The following BICRAL variants were observed in gnomAD, a reference collection of about 807,000 sequenced individuals.
BICRAL encodes BICRA like chromatin remodeling complex associated protein.
BICRAL carries 8 observed loss-of-function variants against 91.8 expected under a neutral mutation model. The ratio of observed to expected loss-of-function variants is 0.09; its 90% CI spans 0.05 to 0.16. BICRAL has a LOEUF of 0.16. Ranked by LOEUF, BICRAL falls within the 10% of genes least tolerant of loss-of-function variation. BICRAL has a pLI of 1.00. For synonymous variants in BICRAL, 445 were observed against 491.1 expected, an observed-to-expected ratio of 0.91 and a Z score of 1.24; for missense variants, 1,038 against 1,310.9, an observed-to-expected ratio of 0.79 and a Z score of 3.21.
rs201873483 is a variant in BICRAL at position 42,802,266 on chromosome 6, AAAAG to A, written c.-101-8036_-101-8033del. Reference sequence around the variant, plus strand: ...TTATCTCAGGAAAAAAAGAAAAAGAAAAAGAAAAAAAATACATGCATATGCATAA... The same window carrying A: ...TTATCTCAGGAAAAAAAGAAAAAGAAAAAAAAAATACATGCATATGCATAA... On this transcript the variant is annotated intron_variant, in intron 1 of 12. Transcript: ENST00000314073. Among the ~76,000 whole-genome samples the A allele has an allele frequency of 8.0e-3, 1,225 of 152,336 alleles. 13 individuals carry two copies. The highest frequency in any genetic ancestry group is 0.046 in the South Asian group (224 of 4,820).
chr6:42,791,730 C>G (rs1490587271), intron 1 of BICRAL, among the ~76,000 whole-genome samples: 9 of 152,084 alleles, frequency 5.9e-5, no homozygotes, highest in Non-Finnish European at 1.3e-4. Flanking sequence ...TCCCAAAGTG[C>G]TAGGACTATA....
chr6:42,832,008 G>A (rs1312092119), intron 6 of BICRAL, among the ~76,000 whole-genome samples: 1 of 151,710 alleles, frequency 6.6e-6, no homozygotes, highest in Non-Finnish European at 1.5e-5. Context: ...CAAAGTGTTG[G>A]GATTGTAGGC....
intron 1 of BICRAL, among the ~76,000 whole-genome samples, chr6:42,797,213 T>C (rs1763439057): frequency 6.6e-6 from 1 of 152,046 alleles, no homozygotes; most frequent in Non-Finnish European, 1.5e-5. Flanking sequence ...ATGTATAACT[T>C]ATAAGAGGAA....
chr6:42,774,578 A>G (rs1762783713), intron 1 of BICRAL, among the ~76,000 whole-genome samples: 1 of 152,106 alleles, frequency 6.6e-6, no homozygotes, highest in Non-Finnish European at 1.5e-5. Flanking sequence ...ACACCTAACT[A>G]GTAGTTGATT....
chr6:42,826,006 C>T (rs1764290127), intron 5 of BICRAL, among the ~76,000 whole-genome samples: 1 of 151,842 alleles, frequency 6.6e-6, no homozygotes, highest in South Asian at 2.1e-4. Flanking sequence ...ATTGCTTGAA[C>T]CAGGAAGGCG....
intron 1 of BICRAL, among the ~76,000 whole-genome samples, chr6:42,800,711 G>A (rs1461830672): frequency 2.0e-5 from 3 of 151,928 alleles, no homozygotes; most frequent in Non-Finnish European, 4.4e-5. Flanking sequence ...CAGCACATCC[G>A]GCTATGTCCA....
intron 1 of BICRAL, among the ~76,000 whole-genome samples, chr6:42,771,196 AG>A (rs1323951720): frequency 6.6e-6 from 1 of 152,210 alleles, no homozygotes; most frequent in Non-Finnish European, 1.5e-5. Flanking sequence ...AGCGGTGTAC[AG>A]GGTTGGCGGG....
At chr6:42,789,000 G>A (rs760505672) in intron 1 of BICRAL, among the ~76,000 whole-genome samples, 16 of 152,190 alleles carry the variant, frequency 1.1e-4, no homozygotes, top group Non-Finnish European at 1.9e-4. Context: ...TGACAGAGGA[G>A]AAGCAGTGCC....
In BICRAL at chr6:42,830,171, A is replaced by G. The variant is rs780427707; in HGVS notation, c.1838A>G (p.Gln613Arg). ...GGAACCCAGCAACAATTCTTCTGCCAGGTAATGCCCTTTCCCAAATAAATA... is the reference window on the plus strand; with the variant it reads ...GGAACCCAGCAACAATTCTTCTGCCGGGTAATGCCCTTTCCCAAATAAATA... ...GTGTQQQFFC[Q>R]AQKKCLNQTS... Residue 613 changes from glutamine to arginine, a missense_variant and splice_region_variant, in exon 6 of 13, where the codon CAG (glutamine) becomes CGG (arginine). Coordinates refer to ENST00000314073, the MANE Select transcript of BICRAL (RefSeq NM_001393499.1). The G allele has an allele frequency of 3.7e-6, 6 of 1,613,846 alleles. No individual in the cohort carries two copies. Among genetic ancestry groups the G allele is most frequent in the Non-Finnish European group, 5.1e-6 (6 of 1,179,728 alleles).
intron 1 of BICRAL, among the ~76,000 whole-genome samples, chr6:42,786,759 TAGCCA>T (rs1562460912): frequency 2.0e-5 from 3 of 152,180 alleles, no homozygotes; most frequent in Non-Finnish European, 2.9e-5. Context: ...GAACTTGTGC[TAGCCA>T]TGTGAAAAGC....
chr6:42,774,203 A>G (rs1406753772), intron 1 of BICRAL, among the ~76,000 whole-genome samples: 2 of 152,176 alleles, frequency 1.3e-5, no homozygotes, highest in African/African-American at 4.8e-5. Context: ...CTTGAGGCCC[A>G]TTCTTTAGTT....
At chr6:42,806,011 A>AC (rs113895021) in intron 1 of BICRAL, among the ~76,000 whole-genome samples, 16 of 150,146 alleles carry the variant, frequency 1.1e-4, no homozygotes, top group African/African-American at 2.0e-4. Context: ...CAAAAAAAAA[A>AC]AACGAAGGAA....
At chr6:42,772,032 T>G (rs1332416058) in intron 1 of BICRAL, among the ~76,000 whole-genome samples, 3 of 151,978 alleles carry the variant, frequency 2.0e-5, no homozygotes, top group African/African-American at 7.3e-5. Flanking sequence ...TGTAAAGTGA[T>G]CAGTGGGTAA....
chr6:42,815,019 C>T (rs1763951211), intron 2 of BICRAL, among the ~76,000 whole-genome samples: 2 of 150,940 alleles, frequency 1.3e-5, no homozygotes, highest in African/African-American at 4.9e-5. Context: ...AAGAGATTCT[C>T]ATGCCTCAGC....
chr6:42,752,281 A>G (rs1762392579), intron 1 of BICRAL, among the ~76,000 whole-genome samples: 1 of 152,192 alleles, frequency 6.6e-6, no homozygotes, highest in Admixed American at 6.5e-5. Flanking sequence ...CGTCTAGCAC[A>G]TAGGCTGGCA....
chr6:42,839,251 A>T (rs1433259404), intron 6 of BICRAL, among the ~76,000 whole-genome samples: 2 of 151,910 alleles, frequency 1.3e-5, no homozygotes, highest in Non-Finnish European at 2.9e-5. Flanking sequence ...ATTTTTTTTG[A>T]GTAGCACTGT....
intron 2 of BICRAL, among the ~76,000 whole-genome samples, chr6:42,821,407 G>A (rs1441655288): frequency 6.6e-6 from 1 of 152,184 alleles, no homozygotes; most frequent in Admixed American, 6.5e-5. Flanking sequence ...GTGTTAGGAT[G>A]TAGATTGTTT....
intron 2 of BICRAL, among the ~76,000 whole-genome samples, chr6:42,811,056 T>C (rs568832125): frequency 3.3e-5 from 5 of 152,188 alleles, no homozygotes; most frequent in Non-Finnish European, 5.9e-5. Flanking sequence ...TAAATGACTA[T>C]GGGGCCAAAA....
At chr6:42,751,214 C>G (rs2152018977) in intron 1 of BICRAL, among the ~76,000 whole-genome samples, 1 of 152,010 alleles carries the variant, frequency 6.6e-6, no homozygotes, top group Admixed American at 6.6e-5. Context: ...GCCAAGTCCC[C>G]CTCCAACCCC....
Sources: gnomAD v4.1 joint callset for allele counts (sites outside exome capture counted in the v4.1 genomes callset) on GRCh38, gnomAD v4.1.1 for gene constraint, MANE v1.5 for transcripts, NCBI Gene and HGNC (gene_info 2026-07-23, HGNC 2026-07-21) for gene names.